The following MOV10L1 variants were observed in gnomAD, a reference collection of about 807,000 sequenced individuals.
The protein encoded by MOV10L1 is RNA helicase Mov10l1.
In MOV10L1, 110 loss-of-function variants were observed where a neutral mutation model predicts 143.8. The observed-to-expected ratio is 0.76, with a 90% CI of 0.66 to 0.90. MOV10L1 has a LOEUF of 0.90. MOV10L1 is among the 40% of genes least tolerant of loss of function. The probability of loss-of-function intolerance (pLI) is 0.00; values close to 1 mark genes in which losing one functional copy is unlikely to be tolerated. For missense variants in MOV10L1, 1,406 were observed against 1,526.8 expected (o/e 0.92, Z 1.32); for synonymous variants, 593 against 581.1 (o/e 1.02, Z -0.29).
At chr22:50,105,673 C>G (rs932146751) in intron 3 of MOV10L1, among the ~76,000 whole-genome samples, 1 of 152,300 alleles carries the variant, frequency 6.6e-6, no homozygotes, top group Non-Finnish European at 1.5e-5. Flanking sequence ...AGAGATCTCA[C>G]TTAAAAAGAA....
chr22:50,109,043 C>G (rs1208207495), intron 5 of MOV10L1, among the ~76,000 whole-genome samples, 199 bp downstream of exon 5: 3 of 152,122 alleles, frequency 2.0e-5, no homozygotes, highest in African/African-American at 7.2e-5. Context: ...ACTCGGGAGG[C>G]TGAGGCAGGA....
At chr22:50,112,888 C>G (rs2062061608) in intron 5 of MOV10L1, among the ~76,000 whole-genome samples, 1 of 152,252 alleles carries the variant, frequency 6.6e-6, no homozygotes, top group Admixed American at 6.5e-5. Flanking sequence ...CCTGTACCTC[C>G]CTTGTCACAC....
intron 22 of MOV10L1, among the ~76,000 whole-genome samples, chr22:50,156,535 G>C (rs1430868247): frequency 6.6e-6 from 1 of 152,182 alleles, no homozygotes; most frequent in Non-Finnish European, 1.5e-5. Flanking sequence ...TTTCTTCCCT[G>C]CAGTGCCTAG....
chr22:50,123,418 G>A (rs1272317739), intron 10 of MOV10L1, among the ~76,000 whole-genome samples: 1 of 152,116 alleles, frequency 6.6e-6, no homozygotes, highest in Non-Finnish European at 1.5e-5. Context: ...AGGCTGGAGT[G>A]CAATGGCTCA....
intron 3 of MOV10L1, among the ~76,000 whole-genome samples, chr22:50,107,826 C>T (rs139466253): frequency 5.9e-5 from 9 of 152,178 alleles, no homozygotes; most frequent in East Asian, 3.9e-4. Flanking sequence ...CACTGCAGGA[C>T]GGGGGAAGGG....
At chr22:50,111,573 T>C (rs1029420661) in intron 5 of MOV10L1, among the ~76,000 whole-genome samples, 1 of 146,252 alleles carries the variant, frequency 6.8e-6, no homozygotes, top group African/African-American at 2.5e-5. Context: ...GCGCGATCTC[T>C]GCTCACTGCA....
intron 3 of MOV10L1, among the ~76,000 whole-genome samples, chr22:50,100,031 G>T (rs1169422328): frequency 2.0e-5 from 3 of 152,036 alleles, no homozygotes; most frequent in Non-Finnish European, 1.5e-5. Flanking sequence ...TCACTCTGTT[G>T]CCCAGGCTGG....
In MOV10L1 at chr22:50,090,100, C is replaced by T. The variant is rs2062385936; in HGVS notation, c.12C>T (p.Leu4=). The change falls in exon 1 of 27, where the codon CTC becomes CTT. Residue 4 remains leucine (L), a synonymous_variant. Transcript: ENST00000262794. The part of the protein sequence containing the change: MLS[L]AAKLVAFFWR... ...GCCGGGCGAGGGCCATGCTGAGCCT[C>T]GCAGCCAAGCTGGTGGCCTTCTTCT... The T allele has an allele frequency of 3.7e-6, 5 of 1,351,022 alleles. No individual in the cohort carries two copies. The highest frequency in any genetic ancestry group is 4.8e-6 in the Non-Finnish European group (5 of 1,051,500). 83.7% of individuals were successfully genotyped at this position (1,351,022 alleles called of 1,614,324 possible).
chr22:50,147,083 G>T, intron 19 of MOV10L1: 2 of 1,561,298 alleles, frequency 1.3e-6, no homozygotes. Flanking sequence ...CCTCACTGGG[G>T]TGCAGAGGGC....
intron 13 of MOV10L1, among the ~76,000 whole-genome samples, chr22:50,131,063 A>AT (rs3041370): frequency 0.046 from 5,912 of 127,996 alleles, 187 homozygotes; most frequent in Non-Finnish European, 0.068. Flanking sequence ...CGCCCGGCTA[A>AT]TTTTTTTTTT....
At chr22:50,114,920 T>C (rs1015615949) in intron 7 of MOV10L1, among the ~76,000 whole-genome samples, 194 bp from the exon 8 acceptor site, 1 of 152,182 alleles carries the variant, frequency 6.6e-6, no homozygotes, top group Admixed American at 6.5e-5. Context: ...CACTTGGTAG[T>C]CACAGCCCTC....
rs780357815 is a variant in MOV10L1 at position 50,099,484 on chromosome 22, C to A, written c.324C>A (p.Asn108Lys). ...VSDKWEDDSR[N>K]HGSPSDCGPR... ...ATAAGTGGGAAGACGACAGCAGAAA[C>A]CATGGGAGTCCCTCAGACTGCGGCC... The change falls in exon 3 of 27, where the codon AAC (asparagine) becomes AAA (lysine). Residue 108 changes from asparagine to lysine, a missense_variant. Asn to Lys is a moderately conservative substitution (Grantham distance 94, BLOSUM62 0). Transcript: ENST00000262794. The A allele has an allele frequency of 5.0e-6, 8 of 1,614,158 alleles. No individual in the cohort carries two copies. The highest frequency in any genetic ancestry group is 6.8e-6 in the Non-Finnish European group (8 of 1,180,026).
chr22:50,125,475 G>A lies in MOV10L1; in HGVS notation c.1653G>A (p.Glu551=), dbSNP rs752274663. The A allele has an allele frequency of 2.5e-6, 4 of 1,614,244 alleles. No homozygotes were observed. The highest frequency in any genetic ancestry group is 3.4e-6 in the Non-Finnish European group (4 of 1,180,034). The stretch of plus-strand genomic sequence containing the variant: ...TTTATGCAGAAATGGAACTGAAAGA[G>A]TATAACATGAGCGGGATCATCTTAA... ...EEIYAEMELK[E]YNMSGIILRR... is the part of the protein sequence containing the mutation. Residue 551 remains glutamate (E), a synonymous_variant, in exon 11 of 27, where the codon GAG becomes GAA. Transcript: ENST00000262794.
rs150705221 is a variant in MOV10L1, at chr22:50,090,676, T to TTGTG, written c.97+506_97+509dup. ...TCACCGTTCCTTTCTCCTGAGGTGT[T>TTGTG]TGTGTGTGTGTGTGTGTGAGACGGA... On this transcript the variant is annotated intron_variant, in intron 1 of 26. Coordinates refer to ENST00000262794, the MANE Select transcript of MOV10L1 (RefSeq NM_018995.3). 307 of 793,818 alleles carry TTGTG rather than the reference T, an allele frequency of 3.9e-4. 1 individual carries two copies. The highest frequency in any genetic ancestry group is 9.7e-4 in the Middle Eastern group (4 of 4,136). The allele number at this position is 793,818 out of a possible 1,614,324, so 49.2% of individuals were successfully genotyped here.
intron 15 of MOV10L1, among the ~76,000 whole-genome samples, chr22:50,138,312 G>A (rs187366659): frequency 6.6e-6 from 1 of 152,250 alleles, no homozygotes; most frequent in South Asian, 2.1e-4. Flanking sequence ...ACTCGTGCCG[G>A]TAATTCCAGC....
At chr22:50,136,093 T>TA (rs1255360683) in intron 15 of MOV10L1, among the ~76,000 whole-genome samples, 1 of 152,164 alleles carries the variant, frequency 6.6e-6, no homozygotes, top group Non-Finnish European at 1.5e-5. Context: ...TCATGGAAAA[T>TA]ACGACAAATG....
In MOV10L1 at chr22:50,113,588, G is replaced by A. The variant is rs1018878020; in HGVS notation, c.744-60G>A. The A allele has an allele frequency of 3.2e-6, 5 of 1,582,574 alleles. No homozygotes were observed. The Admixed American group carries it at 9.0e-5, about 28-fold the overall frequency. ...CAGCAGTCTATCCTCAGGAGCGGAG[G>A]CAGGCGAGGAAGGGGTGGTGCTGCT... On this transcript the variant is annotated intron_variant, in intron 5 of 26. Coordinates refer to ENST00000262794, the MANE Select transcript of MOV10L1 (RefSeq NM_018995.3).
chr22:50,154,675 C>T (rs988422391), intron 22 of MOV10L1, among the ~76,000 whole-genome samples: 1 of 152,214 alleles, frequency 6.6e-6, no homozygotes, highest in Non-Finnish European at 1.5e-5. Flanking sequence ...GGAGAAGAGT[C>T]ATGAAGCCCC....
intron 26 of MOV10L1, 21 bp downstream of exon 26, chr22:50,161,076 C>A: frequency 6.2e-7 from 1 of 1,606,610 alleles, no homozygotes; most frequent in Admixed American, 1.7e-5. Flanking sequence ...CTGCTGTCTT[C>A]CTCAAAGACA....
Sources: allele counts gnomAD v4.1 joint callset (sites outside exome capture counted in the v4.1 genomes callset), GRCh38; gene constraint gnomAD v4.1.1; transcripts MANE v1.5; gene names NCBI Gene and HGNC (gene_info 2026-07-23, HGNC 2026-07-21).